Variants in NRG3 observed in about 807,000 individuals in gnomAD.
NRG3 encodes pro-neuregulin-3, membrane-bound isoform.
In NRG3, 31 loss-of-function variants were observed where a neutral mutation model predicts 66.9. That is an observed-to-expected ratio of 0.46 (90% CI 0.35 to 0.63). The LOEUF is 0.63. NRG3 is among the 20% of genes least tolerant of loss of function. The pLI is 0.00. For synonymous variants in NRG3, 393 were observed against 359.4 expected (o/e 1.09, Z -1.06); for missense variants, 910 against 878.9 (o/e 1.04, Z -0.45).
At position 82,307,530 on chromosome 10, in the gene NRG3, T is replaced by A. The variant is rs76729632; in HGVS notation, c.824-51209T>A. ...ATTCGGAAAGATATATTTTGGGCAA[T>A]GAGGCCAAAATTATCAAGTCATTTA... On this transcript the variant is annotated intron_variant, in intron 1 of 8. Transcript: ENST00000372141. Among the ~76,000 whole-genome samples the A allele has an allele frequency of 3.6e-3, 551 of 152,332 alleles. 6 individuals carry two copies. The highest frequency in any genetic ancestry group is 0.012 in the African/African-American group (514 of 41,578).
At chr10:82,532,432 A>G (rs976785734) in intron 2 of NRG3, among the ~76,000 whole-genome samples, 2 of 149,656 alleles carry the variant, frequency 1.3e-5, no homozygotes, top group African/African-American at 4.9e-5. Context: ...GTACTATACA[A>G]TGGATTACTA....
chr10:82,202,514 CAATG>C (rs2074891595), intron 1 of NRG3, among the ~76,000 whole-genome samples: 1 of 152,156 alleles, frequency 6.6e-6, no homozygotes, highest in Admixed American at 6.6e-5. Flanking sequence ...CTCCTTCGGT[CAATG>C]AATAAGTGCT....
In NRG3 at chr10:82,380,340, A is replaced by C. The variant is rs2085533242; in HGVS notation, c.953+21472A>C. On this transcript the variant is annotated intron_variant, in intron 2 of 8. Transcript: ENST00000372141. ...ACTCTTGAGTTATTGGAACTTATTC[A>C]CAAAAAAGGTAATTAAGTTCCAGTT... is the stretch of plus-strand genomic sequence containing the variant. Among the ~76,000 whole-genome samples, 2 of 152,160 alleles carry C rather than the reference A, an allele frequency of 1.3e-5. 1 individual carries two copies. The highest frequency in any genetic ancestry group is 4.1e-4 in the South Asian group (2 of 4,836).
chr10:82,113,428 AG>A (rs1440434821), intron 1 of NRG3, among the ~76,000 whole-genome samples: 1 of 152,186 alleles, frequency 6.6e-6, no homozygotes, highest in Non-Finnish European at 1.5e-5. Flanking sequence ...CTGTGTGTTC[AG>A]AGATGGTGTT....
rs7913393 is a variant in NRG3 at position 82,653,353 on chromosome 10, G to T, written c.954-85224G>T. The stretch of plus-strand genomic sequence containing the variant: ...AGAAGCAAGGTATGTTAGAGATGAT[G>T]CTGTCATCTTTGTAAACTTTAGTGG... On this transcript the variant is annotated intron_variant, in intron 2 of 8. Coordinates refer to ENST00000372141, the MANE Select transcript of NRG3 (RefSeq NM_001010848.4). Among the ~76,000 whole-genome samples, 136 of 152,320 alleles carry T rather than the reference G, an allele frequency of 8.9e-4. No homozygotes were observed. In the Middle Eastern group the frequency reaches 0.01, roughly 11 times the overall value.
At chr10:82,700,780 A>C (rs1199376426) in intron 2 of NRG3, among the ~76,000 whole-genome samples, 2 of 152,126 alleles carry the variant, frequency 1.3e-5, no homozygotes, top group Non-Finnish European at 2.9e-5. Context: ...GTTTTAAACT[A>C]TCTAGGAAGA....
At chr10:82,864,809 A>ACT (rs1840544579) in intron 3 of NRG3, among the ~76,000 whole-genome samples, 1 of 152,150 alleles carries the variant, frequency 6.6e-6, no homozygotes, top group Admixed American at 6.5e-5. Flanking sequence ...AGATCAACCA[A>ACT]ATTGGTGCCC....
intron 2 of NRG3, among the ~76,000 whole-genome samples, chr10:82,445,304 A>G (rs2090658104): frequency 1.3e-5 from 2 of 152,202 alleles, no homozygotes; most frequent in South Asian, 4.1e-4. Flanking sequence ...TGAAGGACAC[A>G]GTAGAAAATT....
At chr10:81,937,794 G>T (rs1413177890) in intron 1 of NRG3, among the ~76,000 whole-genome samples, 1 of 152,014 alleles carries the variant, frequency 6.6e-6, no homozygotes, top group African/African-American at 2.4e-5. Flanking sequence ...TGTGCTTTTG[G>T]TGTGATAGCC....
chr10:82,833,927 G>T (rs2135697949), intron 3 of NRG3, among the ~76,000 whole-genome samples: 1 of 152,246 alleles, frequency 6.6e-6, no homozygotes, highest in Non-Finnish European at 1.5e-5. Flanking sequence ...ACTTCACATG[G>T]GAGAATGGAG....
chr10:82,089,054 A>G (rs1226815751), intron 1 of NRG3, among the ~76,000 whole-genome samples: 1 of 152,016 alleles, frequency 6.6e-6, no homozygotes, highest in Non-Finnish European at 1.5e-5. Context: ...TGAAAATTAT[A>G]TGATTCAGGT....
chr10:82,965,237 A>C (rs1036020401), intron 6 of NRG3, among the ~76,000 whole-genome samples: 6 of 152,188 alleles, frequency 3.9e-5, no homozygotes, highest in Non-Finnish European at 7.3e-5. Context: ...ATGTGCACAC[A>C]ATAAAGTCAG....
At chr10:82,719,505 G>C (rs910889692) in intron 2 of NRG3, among the ~76,000 whole-genome samples, 1 of 152,114 alleles carries the variant, frequency 6.6e-6, no homozygotes, top group Non-Finnish European at 1.5e-5. Flanking sequence ...CATTTCTTAG[G>C]CTCTCTTGAC....
At chr10:82,038,640 T>G (rs554967617) in intron 1 of NRG3, among the ~76,000 whole-genome samples, 1 of 152,268 alleles carries the variant, frequency 6.6e-6, no homozygotes, top group East Asian at 1.9e-4. Context: ...TATTAATAGC[T>G]GGAGGCACTG....
chr10:82,469,515 A>T (rs1841024870), intron 2 of NRG3, among the ~76,000 whole-genome samples: 1 of 151,204 alleles, frequency 6.6e-6, no homozygotes, highest in Non-Finnish European at 1.5e-5. Context: ...AAAGGTTCTG[A>T]TGAGGAATGT....
chr10:82,419,463 C>A lies in NRG3; in HGVS notation c.953+60595C>A, dbSNP rs76860319. Among the ~76,000 whole-genome samples, 10 of 152,244 alleles carry A rather than the reference C, an allele frequency of 6.6e-5. No individual in the cohort carries two copies. The East Asian group carries it at 1.9e-3, about 29-fold the overall frequency. ...CGTTTTATAAAGGTTGTCTCTGATA[C>A]TTAGAAAAATCTAAATGTTTCTGTA... is the stretch of plus-strand genomic sequence containing the variant. On this transcript the variant is annotated intron_variant, in intron 2 of 8. Transcript: ENST00000372141.
At chr10:82,515,777 G>T (rs1181761620) in intron 2 of NRG3, among the ~76,000 whole-genome samples, 1 of 152,080 alleles carries the variant, frequency 6.6e-6, no homozygotes, top group Non-Finnish European at 1.5e-5. Context: ...TTTTGAAAGT[G>T]GCTCCACACA....
At chr10:82,435,457 T>C (rs894359148) in intron 2 of NRG3, among the ~76,000 whole-genome samples, 3 of 152,140 alleles carry the variant, frequency 2.0e-5, no homozygotes, top group African/African-American at 7.2e-5. Context: ...TCAGTTCTTC[T>C]CTGATCTTAG....
intron 1 of NRG3, among the ~76,000 whole-genome samples, chr10:82,271,755 C>T (rs1218304994): frequency 6.6e-5 from 10 of 152,034 alleles, no homozygotes; most frequent in African/African-American, 2.2e-4. Flanking sequence ...AGAGAAACAG[C>T]ATGAATATTA....
Sources: gnomAD v4.1 joint callset for allele counts (sites outside exome capture counted in the v4.1 genomes callset) on GRCh38, gnomAD v4.1.1 for gene constraint, MANE v1.5 for transcripts, NCBI Gene and HGNC (gene_info 2026-07-23, HGNC 2026-07-21) for gene names.